CNIH3: variants seen among roughly 807,000 people sequenced by gnomAD.
The protein encoded by CNIH3 is protein cornichon homolog 3.
CNIH3 carries 14 observed loss-of-function variants against 24.1 expected under a neutral mutation model. The observed-to-expected ratio is 0.58, with a 90% CI of 0.38 to 0.91. CNIH3 has a LOEUF of 0.91. CNIH3 is among the 40% of genes least tolerant of loss of function. CNIH3 has a pLI of 0.00. For missense variants in CNIH3, 178 were observed against 196.8 expected, an observed-to-expected ratio of 0.90 and a Z score of 0.57; for synonymous variants, 68 against 73.8, an observed-to-expected ratio of 0.92 and a Z score of 0.40.
In CNIH3 at chr1:224,739,483, C is replaced by A; in HGVS notation, c.*127C>A. Reference sequence around the variant, plus strand: ...GTGAGAAATAGACCCGGCAGGCAGTCAGACTGAATGGGAGCTGGAATCACG... The same window carrying A: ...GTGAGAAATAGACCCGGCAGGCAGTAAGACTGAATGGGAGCTGGAATCACG... On this transcript the variant is annotated 3_prime_UTR_variant, in exon 6 of 6. Transcript: ENST00000272133. 1 of 1,524,990 alleles carries A rather than the reference C, an allele frequency of 6.6e-7. No individual in the cohort carries two copies. The allele number at this position is 1,524,990 out of a possible 1,614,324, so 94.5% of individuals were successfully genotyped here. A position where few individuals can be genotyped will look rare whatever the true frequency, so the allele number is the denominator to read the frequency against.
At chr1:224,668,218 C>T (rs1301660696) in intron 1 of CNIH3, among the ~76,000 whole-genome samples, 1 of 152,198 alleles carries the variant, frequency 6.6e-6, no homozygotes, top group Non-Finnish European at 1.5e-5. Context: ...AACCGGTCAC[C>T]TACAACTTTT....
At chr1:224,542,507 G>T (rs561637971), downstream of CNIH3, among the ~76,000 whole-genome samples, 1 of 152,210 alleles carries the variant, frequency 6.6e-6, no homozygotes, top group Non-Finnish European at 1.5e-5. Flanking sequence ...CTATTTTCTG[G>T]AAGAGAAACT....
At chr1:224,620,278 G>A (rs1320435067) in intron 1 of CNIH3, among the ~76,000 whole-genome samples, 3 of 152,256 alleles carry the variant, frequency 2.0e-5, no homozygotes, top group African/African-American at 7.2e-5. Flanking sequence ...TTTCGCAGAT[G>A]AGGAAACTGG....
chr1:224,532,192 AG>A (rs957800224), intron 2 of CNIH3, among the ~76,000 whole-genome samples: 5 of 152,230 alleles, frequency 3.3e-5, no homozygotes, highest in Middle Eastern at 6.8e-3. Flanking sequence ...TTTTCCACGA[AG>A]GTAAAGGAGA....
chr1:224,649,687 G>A lies in CNIH3; in HGVS notation c.82-31271G>A, dbSNP rs549708938. 1.2e-4 allele frequency among the ~76,000 whole-genome samples: 19 copies of A among 152,240 alleles called. No individual in the cohort carries two copies. In the South Asian group the frequency reaches 1.9e-3, roughly 15 times the overall value. On this transcript the variant is annotated intron_variant, in intron 1 of 5. Coordinates refer to ENST00000272133, the MANE Select transcript of CNIH3 (RefSeq NM_152495.2). The stretch of plus-strand genomic sequence containing the variant: ...AAACTTGGGGAAAACTTTGCCCGAG[G>A]AAAGAAATCCCAGCGGTTCCTCCTC...
intron 1 of CNIH3, among the ~76,000 whole-genome samples, chr1:224,674,517 T>C (rs1686039769): frequency 6.6e-6 from 1 of 152,054 alleles, no homozygotes; most frequent in African/African-American, 2.4e-5. Context: ...AGTCTAGACT[T>C]AGGGCAGGCC....
intron 1 of CNIH3, among the ~76,000 whole-genome samples, chr1:224,629,359 A>G (rs1289835037): frequency 1.3e-5 from 2 of 152,056 alleles, no homozygotes; most frequent in Non-Finnish European, 2.9e-5. Flanking sequence ...TCCCTAAAAT[A>G]TGTAAAACGA....
At chr1:224,548,155 C>T (rs992518448) in intron 3 of CNIH3, among the ~76,000 whole-genome samples, 1 of 151,646 alleles carries the variant, frequency 6.6e-6, no homozygotes, top group African/African-American at 2.4e-5. Flanking sequence ...TGCATACCCT[C>T]GGATATTTTT....
chr1:224,463,976 A>C (rs1676052120), intron 1 of CNIH3, among the ~76,000 whole-genome samples: 1 of 149,334 alleles, frequency 6.7e-6, no homozygotes, highest in Admixed American at 6.7e-5. Flanking sequence ...TTTTTAGTAG[A>C]GACGGGGTTT....
At chr1:224,565,966 T>C (rs1184239509) in intron 3 of CNIH3, 1 of 151,820 alleles carries the variant, frequency 6.6e-6, no homozygotes, top group Non-Finnish European at 1.5e-5. Context: ...CCCTTTCTCC[T>C]CTCCCTTGTT....
intron 5 of CNIH3, among the ~76,000 whole-genome samples, chr1:224,739,117 G>T (rs940541302): frequency 2.0e-5 from 3 of 152,016 alleles, no homozygotes; most frequent in Non-Finnish European, 4.4e-5. Flanking sequence ...GATACAATAT[G>T]CTCTCCCAAA....
intron 1 of CNIH3, among the ~76,000 whole-genome samples, chr1:224,517,508 G>T (rs370018887): frequency 3.9e-5 from 6 of 152,068 alleles, no homozygotes; most frequent in African/African-American, 1.4e-4. Flanking sequence ...AGTTTTGGGG[G>T]AGCAGGTGGT....
chr1:224,645,191 G>A (rs909815281), intron 1 of CNIH3, among the ~76,000 whole-genome samples: 7 of 152,156 alleles, frequency 4.6e-5, no homozygotes, highest in Non-Finnish European at 1.0e-4. Flanking sequence ...TCTCCCTACC[G>A]TGTTTGATCA....
chr1:224,560,808 G>A (rs1397169575), intron 3 of CNIH3, among the ~76,000 whole-genome samples: 1 of 152,092 alleles, frequency 6.6e-6, no homozygotes, highest in African/African-American at 2.4e-5. Flanking sequence ...TGCACAATAA[G>A]AGTAATGCAC....
At chr1:224,578,505 C>T (rs1208454681) in intron 4 of CNIH3, among the ~76,000 whole-genome samples, 2 of 152,090 alleles carry the variant, frequency 1.3e-5, no homozygotes, top group Non-Finnish European at 2.9e-5. Flanking sequence ...GTTTTTGATC[C>T]CCTGTATTCC....
At chr1:224,514,836 C>T (rs189945723), upstream of CNIH3, among the ~76,000 whole-genome samples, 37 of 152,306 alleles carry the variant, frequency 2.4e-4, no homozygotes, top group African/African-American at 8.7e-4. Flanking sequence ...TCTCAAAAAA[C>T]AAACAACAAA....
intron 3 of CNIH3, among the ~76,000 whole-genome samples, chr1:224,559,741 A>T (rs1332292334): frequency 1.3e-5 from 2 of 152,156 alleles, no homozygotes; most frequent in African/African-American, 4.8e-5. Flanking sequence ...AATGCATAAA[A>T]TATGTTAGTA....
upstream of CNIH3, among the ~76,000 whole-genome samples, chr1:224,513,451 A>G (rs550873668): frequency 1.3e-5 from 2 of 151,426 alleles, no homozygotes; most frequent in African/African-American, 2.4e-5. Context: ...AAGTGCTGGG[A>G]TTACAGGTGT....
intron 1 of CNIH3, among the ~76,000 whole-genome samples, chr1:224,451,463 T>C (rs1196648762): frequency 6.6e-6 from 1 of 152,218 alleles, no homozygotes; most frequent in East Asian, 1.9e-4. Flanking sequence ...TTCTTGTGGT[T>C]ATGTTAACCG....
Sources: allele counts gnomAD v4.1 joint callset (sites outside exome capture counted in the v4.1 genomes callset), GRCh38; gene constraint gnomAD v4.1.1; transcripts MANE v1.5; gene names NCBI Gene and HGNC (gene_info 2026-07-23, HGNC 2026-07-21).